TMEM181: variants seen among roughly 807,000 people sequenced by gnomAD.
TMEM181 encodes the protein G protein-coupled receptor 178.
A neutral mutation model predicts 71.9 loss-of-function variants in TMEM181; 39 were observed. The observed-to-expected ratio is 0.54, with a 90% CI of 0.42 to 0.71. The LOEUF (loss-of-function observed/expected upper bound fraction) is 0.71. Among genes scored for constraint, TMEM181 ranks in the 30% least tolerant of loss-of-function variants. The probability of loss-of-function intolerance (pLI) is 0.00; values close to 1 mark genes in which losing one functional copy is unlikely to be tolerated. For missense variants in TMEM181, 595 were observed against 583.0 expected (o/e 1.02, Z -0.21); for synonymous variants, 245 against 228.8 (o/e 1.07, Z -0.64).
At chr6:158,609,442 C>T (rs1785160499) in intron 10 of TMEM181, among the ~76,000 whole-genome samples, 2 of 152,252 alleles carry the variant, frequency 1.3e-5, no homozygotes, top group East Asian at 1.9e-4. Context: ...CTTCTTTGCT[C>T]CTACCTTGGA....
In TMEM181 at chr6:158,632,263, AG is replaced by A; in HGVS notation, c.*376del. On this transcript the variant is annotated 3_prime_UTR_variant, in exon 17 of 17. Transcript: ENST00000684151. ...ACGGGCAGCCTGTGACTAGGTCCTC[AG>A]CGTGACAGCATCACCCTCTTTCTTC... 1 of 229,260 alleles carries A rather than the reference AG, an allele frequency of 4.4e-6. No individual in the cohort carries two copies. Among genetic ancestry groups the A allele is most frequent in the South Asian group, 5.4e-5 (1 of 18,452 alleles). 14.2% of individuals were successfully genotyped at this position (229,260 alleles called of 1,614,324 possible).
intron 12 of TMEM181, 143 bp downstream of exon 12, chr6:158,625,349 C>T (rs1023283782): frequency 2.6e-5 from 19 of 721,732 alleles, no homozygotes; most frequent in East Asian, 2.1e-4. Context: ...GACCAGGGCA[C>T]GTGGTCCCTG....
intron 6 of TMEM181, among the ~76,000 whole-genome samples, chr6:158,598,030 C>G (rs1442221362): frequency 6.6e-6 from 1 of 152,214 alleles, no homozygotes; most frequent in Non-Finnish European, 1.5e-5. Flanking sequence ...ACACCCGTTG[C>G]CACGTTCAGG....
At chr6:158,617,274 G>A (rs1471640869) in intron 10 of TMEM181, among the ~76,000 whole-genome samples, 1 of 152,114 alleles carries the variant, frequency 6.6e-6, no homozygotes, top group Admixed American at 6.5e-5. Context: ...TTTGAGTAGA[G>A]GTGTTTATAG....
chr6:158,580,462 A>G (rs907021442), intron 2 of TMEM181, among the ~76,000 whole-genome samples: 2 of 152,224 alleles, frequency 1.3e-5, no homozygotes, highest in Non-Finnish European at 2.9e-5. Flanking sequence ...TTAAAACTTT[A>G]TGCTTTCCTG....
chr6:158,623,525 A>G lies in TMEM181; in HGVS notation c.897-25A>G, dbSNP rs752243362. ...AAAGTAAAGGTAGTTATTAATCTAT[A>G]ATTATTTATAATGTCAATTTTTAGA... On this transcript the variant is annotated intron_variant, in intron 10 of 16. Transcript: ENST00000684151. 9 of 1,420,122 alleles carry G rather than the reference A, an allele frequency of 6.3e-6. No homozygotes were observed. The South Asian group carries it at 1.3e-4, about 20-fold the overall frequency. 88.0% of individuals were successfully genotyped at this position (1,420,122 alleles called of 1,614,324 possible).
chr6:158,629,741 T>C lies in TMEM181; in HGVS notation c.1204T>C (p.Leu402=). The C allele has an allele frequency of 6.2e-7, 1 of 1,610,512 alleles. No individual in the cohort carries two copies. The highest frequency in any genetic ancestry group is 1.7e-5 in the Admixed American group (1 of 59,420). The change falls in exon 15 of 17, where the codon TTA becomes CTA. Residue 402 remains leucine (L), a synonymous_variant. Coordinates refer to ENST00000684151, the MANE Select transcript of TMEM181 (RefSeq NM_001376852.1). Reference sequence around the variant, plus strand: ...CTTGACAGCACCACCAGCCGAGTTCTTATCTTTCTATGGCCTGTTGAACTT... The same window carrying C: ...CTTGACAGCACCACCAGCCGAGTTCCTATCTTTCTATGGCCTGTTGAACTT... ...STHYQNSAEF[L]SFYGLLNFYL...
chr6:158,538,106 CT>C (rs1366764632), intron 1 of TMEM181, among the ~76,000 whole-genome samples: 2 of 150,552 alleles, frequency 1.3e-5, no homozygotes, highest in African/African-American at 4.9e-5. Flanking sequence ...TTCCAATCTC[CT>C]TTTCTGCTAG....
intron 1 of TMEM181, among the ~76,000 whole-genome samples, chr6:158,538,649 C>T (rs866947736): frequency 6.6e-6 from 1 of 152,140 alleles, no homozygotes; most frequent in Non-Finnish European, 1.5e-5. Flanking sequence ...TTGTTCTAGG[C>T]GTTGTGAATA....
At chr6:158,596,866 G>C (rs1784413072) in intron 6 of TMEM181, among the ~76,000 whole-genome samples, 1 of 152,136 alleles carries the variant, frequency 6.6e-6, no homozygotes, top group African/African-American at 2.4e-5. Context: ...GGAAAGGCTG[G>C]TCCCCATGAT....
chr6:158,628,247 T>C (rs944694815), intron 13 of TMEM181, 161 bp from the exon 14 acceptor site: 2 of 723,848 alleles, frequency 2.8e-6, no homozygotes, highest in Non-Finnish European at 4.9e-6. Flanking sequence ...TGTGTGCATG[T>C]GTGCATCTGT....
Position 158,635,115 on chromosome 6 carries a change from T to C in TMEM181, c.*3227T>C, listed in dbSNP as rs1786883004. 6.6e-6 allele frequency: 1 copy of C among 152,126 alleles called. No homozygotes were observed. The highest frequency in any genetic ancestry group is 1.5e-5 in the Non-Finnish European group (1 of 68,020). The allele number at this position is 152,126 out of a possible 1,614,324, so 9.4% of individuals were successfully genotyped here. A position where few individuals can be genotyped will look rare whatever the true frequency, so the allele number is the denominator to read the frequency against. On this transcript the variant is annotated 3_prime_UTR_variant, in exon 17 of 17. Coordinates refer to ENST00000684151, the MANE Select transcript of TMEM181 (RefSeq NM_001376852.1). ...CATCTTGTGATGCTGTTTATCTTGG[T>C]TTGACATTGGAGATACGCTAGTAAC...
At chr6:158,548,134 A>T (rs914891723) in intron 1 of TMEM181, among the ~76,000 whole-genome samples, 1 of 152,050 alleles carries the variant, frequency 6.6e-6, no homozygotes, top group South Asian at 2.1e-4. Context: ...GCCAAGGGTG[A>T]CAGTGACTAG....
intron 1 of TMEM181, among the ~76,000 whole-genome samples, chr6:158,539,912 G>A (rs1781276153): frequency 6.6e-6 from 1 of 152,094 alleles, no homozygotes; most frequent in African/African-American, 2.4e-5. Flanking sequence ...CTCTTCACAC[G>A]GATTTTCATA....
At chr6:158,564,155 C>T (rs746416616) in intron 1 of TMEM181, among the ~76,000 whole-genome samples, 5 of 152,238 alleles carry the variant, frequency 3.3e-5, no homozygotes, top group Admixed American at 2.6e-4. Flanking sequence ...TCCTATCCTG[C>T]TCCCTTTGAG....
intron 6 of TMEM181, among the ~76,000 whole-genome samples, chr6:158,601,932 A>G (rs1421163818): frequency 2.6e-5 from 4 of 152,144 alleles, no homozygotes; most frequent in African/African-American, 9.7e-5. Context: ...CCACTTGCCC[A>G]TTACCATCTA....
chr6:158,607,861 G>A (rs528043923), intron 8 of TMEM181, among the ~76,000 whole-genome samples: 2 of 152,270 alleles, frequency 1.3e-5, no homozygotes, highest in African/African-American at 2.4e-5. Flanking sequence ...AAACTTGGAC[G>A]TGCTACAGAC....
intron 1 of TMEM181, among the ~76,000 whole-genome samples, chr6:158,548,793 T>C (rs1178517551): frequency 6.6e-6 from 1 of 152,166 alleles, no homozygotes; most frequent in Non-Finnish European, 1.5e-5. Context: ...GGTGAAGTCA[T>C]AGGAGACAAT....
chr6:158,575,118 C>T lies in TMEM181; in HGVS notation c.112+1595C>T, dbSNP rs538195307. ...TTCACATGTTAATCTCATCCAGAAA[C>T]GACCCACAGACACAATAGAATAATG... On this transcript the variant is annotated intron_variant, in intron 2 of 16. Transcript: ENST00000684151. Among the ~76,000 whole-genome samples, 9 of 152,330 alleles carry T rather than the reference C, an allele frequency of 5.9e-5. No individual in the cohort carries two copies. In the South Asian group the frequency reaches 1.7e-3, roughly 28 times the overall value.
Sources: allele counts gnomAD v4.1 joint callset (sites outside exome capture counted in the v4.1 genomes callset), GRCh38; gene constraint gnomAD v4.1.1; transcripts MANE v1.5; gene names NCBI Gene and HGNC (gene_info 2026-07-23, HGNC 2026-07-21).